Variants in CEP135 observed in about 807,000 individuals in gnomAD.
CEP135 encodes centrosomal protein 135.
Under a neutral mutation model 157.3 loss-of-function variants are expected in CEP135, and 142 were observed. The ratio of observed to expected loss-of-function variants is 0.90; its 90% CI spans 0.79 to 1.04. The LOEUF is 1.04. Among genes scored for constraint, CEP135 ranks in the 50% least tolerant of loss-of-function variants. The pLI is 0.00. For synonymous variants in CEP135, 396 were observed against 439.8 expected (o/e 0.90, Z 1.25); for missense variants, 1,317 against 1,309.2 (o/e 1.01, Z -0.09).
chr4:55,964,289 C>G lies in CEP135; in HGVS notation c.715C>G (p.Arg239Gly), dbSNP rs760955800. The change falls in exon 7 of 26, where the codon CGA becomes GGA. Residue 239 changes from arginine (R) to glycine (G), a missense_variant. Coordinates refer to ENST00000257287, the MANE Select transcript of CEP135 (RefSeq NM_025009.5). Reference protein sequence around the residue: ...DYSKQIELREREIERLSVALD... With the variant: ...DYSKQIELREGEIERLSVALD... The stretch of plus-strand genomic sequence containing the variant: ...ATATCTTCAGATTGAGCTAAGAGAA[C>G]GAGAGATAGAACGACTGTCAGTTGC... 3 of 1,610,218 alleles carry G rather than the reference C, an allele frequency of 1.9e-6. No individual in the cohort carries two copies. In the South Asian group the frequency reaches 3.3e-5, roughly 18 times the overall value.
chr4:56,009,833 C>A lies in CEP135; in HGVS notation c.2435C>A (p.Ser812Tyr). The change falls in exon 19 of 26, where the codon TCT becomes TAT. Residue 812 changes from serine to tyrosine, a missense_variant. Physicochemically the swap from Ser to Tyr is moderately radical, Grantham distance 144. Transcript: ENST00000257287. ...AHKELDEVGR[S>Y]REIAFKENRR... ...AAAGAACTCGATGAAGTAGGAAGAT[C>A]TAGAGAAATCGCTTTTAAGGAAAAC... 4.3e-6 allele frequency: 7 copies of A among 1,614,048 alleles called. No individual in the cohort carries two copies. The highest frequency in any genetic ancestry group is 5.9e-6 in the Non-Finnish European group (7 of 1,180,000).
At chr4:56,031,180 CAG>C (rs1477466743) in intron 25 of CEP135, among the ~76,000 whole-genome samples, 178 bp from the exon 26 acceptor site, 1 of 152,058 alleles carries the variant, frequency 6.6e-6, no homozygotes, top group Non-Finnish European at 1.5e-5. Context: ...ATGAATAAAA[CAG>C]TACTTGAACT....
intron 6 of CEP135, among the ~76,000 whole-genome samples, chr4:55,961,809 A>T (rs1412947536): frequency 6.8e-6 from 1 of 146,082 alleles, no homozygotes; most frequent in Non-Finnish European, 1.5e-5. Context: ...ATCTTCTGAG[A>T]ATGTCACCTT....
chr4:55,997,775 A>G (rs28695752), intron 15 of CEP135, among the ~76,000 whole-genome samples: 1 of 152,328 alleles, frequency 6.6e-6, no homozygotes, highest in South Asian at 2.1e-4. Context: ...TTCTAGGAAT[A>G]AATGAGCTAA....
rs1245158328 is a variant in CEP135 at position 56,011,490 on chromosome 4, G to C, written c.2584G>C (p.Val862Leu). The C allele has an allele frequency of 9.9e-6, 16 of 1,611,288 alleles. No individual in the cohort carries two copies. The highest frequency in any genetic ancestry group is 1.4e-5 in the Non-Finnish European group (16 of 1,179,208). The change falls in exon 20 of 26, where the codon GTG (valine) becomes CTG (leucine). Residue 862 changes from valine (V) to leucine (L), a missense_variant. Physicochemically the swap from Val to Leu is conservative, Grantham distance 32 (BLOSUM62 1). Transcript: ENST00000257287. ...CAGAGTTCATAAATACATAACAGAG[G>C]TGTCACGATGGGAGAGCTTAATGGC... is the stretch of plus-strand genomic sequence containing the variant. ...KSRVHKYITE[V>L]SRWESLMAAK...
At chr4:56,020,655 A>G in intron 23 of CEP135, 21 bp from the exon 24 acceptor site, 2 of 1,603,252 alleles carry the variant, frequency 1.2e-6, no homozygotes, top group Non-Finnish European at 8.5e-7. Context: ...TTATTTCTTG[A>G]TTTTTTAATT....
At chr4:56,025,311 A>G (rs920636116) in intron 25 of CEP135, among the ~76,000 whole-genome samples, 22 of 152,332 alleles carry the variant, frequency 1.4e-4, no homozygotes, top group Admixed American at 1.4e-3. Flanking sequence ...TAAAAAGAGA[A>G]GACATCTACA....
At chr4:56,028,730 GC>G (rs754778358) in intron 25 of CEP135, among the ~76,000 whole-genome samples, 38 of 152,040 alleles carry the variant, frequency 2.5e-4, no homozygotes, top group Non-Finnish European at 3.8e-4. Context: ...TCTAATGCAT[GC>G]TATTTGAGAT....
chr4:55,952,180 A>C lies in CEP135; in HGVS notation c.50A>C (p.Asp17Ala). The change falls in exon 2 of 26, where the codon GAT becomes GCT. Residue 17 changes from aspartate to alanine, a missense_variant. By Grantham distance (126) the Asp-to-Ala change is moderately radical. Transcript: ENST00000257287. ...RKYINIRKRLDQLGYRQTLTV... is the reference protein window; with the variant it reads ...RKYINIRKRLAQLGYRQTLTV... ...TATATTAATATTAGGAAAAGGCTGG[A>C]TCAGCTGGGATACCGCCAGACTCTG... 1 of 1,613,600 alleles carries C rather than the reference A, an allele frequency of 6.2e-7. No homozygotes were observed. The highest frequency in any genetic ancestry group is 8.5e-7 in the Non-Finnish European group (1 of 1,179,524).
chr4:55,985,156 A>G, intron 13 of CEP135, 125 bp from the exon 14 acceptor site: 1 of 474,912 alleles, frequency 2.1e-6, no homozygotes, highest in Non-Finnish European at 3.9e-6. Flanking sequence ...TCTTTCTAAA[A>G]CATTTCTGTG....
At position 56,011,938 on chromosome 4, in the gene CEP135, A is replaced by C. The variant is rs151170797; in HGVS notation, c.2755A>C (p.Arg919=). The change falls in exon 21 of 26, where the codon AGA becomes CGA. Residue 919 remains arginine (R), a synonymous_variant. Coordinates refer to ENST00000257287, the MANE Select transcript of CEP135 (RefSeq NM_025009.5). ...ACTTCTTTCTATTGACACTGAGAGG[A>C]GACATCTTCGAGAAAGAGTGGAGCT... ...LELLSIDTER[R]HLRERVELLE... 3,123 of 1,584,730 alleles carry C rather than the reference A, an allele frequency of 2.0e-3. 7 individuals carry two copies. Among genetic ancestry groups the C allele is most frequent in the Non-Finnish European group, 2.2e-3 (2,542 of 1,167,628 alleles).
At chr4:55,969,447 A>T (rs934808833) in intron 9 of CEP135, among the ~76,000 whole-genome samples, 3 of 151,262 alleles carry the variant, frequency 2.0e-5, no homozygotes, top group Non-Finnish European at 4.4e-5. Flanking sequence ...AAAAAAAAAA[A>T]AGAAAAGAAA....
Position 55,981,321 on chromosome 4 carries a change from C to G in CEP135, c.1721C>G (p.Ala574Gly). 1.3e-6 allele frequency: 2 copies of G among 1,594,834 alleles called. No homozygotes were observed. The highest frequency in any genetic ancestry group is 1.7e-6 in the Non-Finnish European group (2 of 1,173,864). The part of the protein sequence containing the change: ...VSLMEKEKEL[A>G]LSDLRRIMAE... Reference sequence around the variant, plus strand: ...CTTATGGAAAAGGAAAAAGAACTTGCGTTATCTGACTTAAGAAGAATTATG... The same window carrying G: ...CTTATGGAAAAGGAAAAAGAACTTGGGTTATCTGACTTAAGAAGAATTATG... Residue 574 changes from alanine (A) to glycine (G), a missense_variant, in exon 13 of 26, where the codon GCG becomes GGG. Transcript: ENST00000257287.
chr4:55,981,138 C>CT (rs1729390831), intron 12 of CEP135, 89 bp from the exon 13 acceptor site: 7 of 1,290,384 alleles, frequency 5.4e-6, no homozygotes, highest in Admixed American at 5.7e-5. Context: ...TTCAGTATGC[C>CT]TTTTTTAACT....
intron 18 of CEP135, among the ~76,000 whole-genome samples, chr4:56,009,221 G>A (rs1256370027): frequency 6.6e-6 from 1 of 152,178 alleles, no homozygotes; most frequent in Non-Finnish European, 1.5e-5. Flanking sequence ...GAGTGCAGTG[G>A]GGCGATCTCG....
chr4:55,990,873 T>C (rs1729765853), intron 14 of CEP135, among the ~76,000 whole-genome samples: 1 of 152,246 alleles, frequency 6.6e-6, no homozygotes, highest in African/African-American at 2.4e-5. Flanking sequence ...CCAAAAATGC[T>C]ATCTTTTCTA....
chr4:55,961,510 A>G (rs1728679271), intron 6 of CEP135, among the ~76,000 whole-genome samples: 3 of 152,078 alleles, frequency 2.0e-5, no homozygotes, highest in Non-Finnish European at 2.9e-5. Context: ...CACACCTGTA[A>G]TCCCAGCACT....
intron 15 of CEP135, among the ~76,000 whole-genome samples, chr4:55,998,934 G>A (rs541710579): frequency 1.6e-4 from 24 of 152,248 alleles, no homozygotes; most frequent in African/African-American, 5.1e-4. Flanking sequence ...GAAATGCCAG[G>A]TCATACTGTA....
rs749921925 is a variant in CEP135 at position 55,956,359 on chromosome 4, CA to C, written c.473-862del. ...ATTGTCCATGTATTTTTGACCAAGA[CA>C]AGATATATCTAGCCATAAGAAAATT... On this transcript the variant is annotated intron_variant, in intron 4 of 25. Coordinates refer to ENST00000257287, the MANE Select transcript of CEP135 (RefSeq NM_025009.5). Among the ~76,000 whole-genome samples, 142 of 152,142 alleles carry C rather than the reference CA, an allele frequency of 9.3e-4. 1 individual carries two copies. The highest frequency in any genetic ancestry group is 1.6e-3 in the Non-Finnish European group (108 of 68,018).
Sources: allele counts gnomAD v4.1 joint callset (sites outside exome capture counted in the v4.1 genomes callset), GRCh38; gene constraint gnomAD v4.1.1; transcripts MANE v1.5; gene names NCBI Gene and HGNC (gene_info 2026-07-23, HGNC 2026-07-21).